ABCA6: variants seen among roughly 807,000 people sequenced by gnomAD.
ABCA6 encodes the protein ATP-binding cassette sub-family A member 6.
Under a neutral mutation model 191.2 loss-of-function variants are expected in ABCA6, and 164 were observed. The ratio of observed to expected loss-of-function variants is 0.86; its 90% CI spans 0.76 to 0.98. The LOEUF (loss-of-function observed/expected upper bound fraction) is 0.98. ABCA6 is among the 50% of genes least tolerant of loss of function. The probability of loss-of-function intolerance (pLI) is 0.00; values close to 1 mark genes in which losing one functional copy is unlikely to be tolerated. For synonymous variants in ABCA6, 636 were observed against 647.7 expected, an observed-to-expected ratio of 0.98 and a Z score of 0.27; for missense variants, 1,958 against 1,894.1, an observed-to-expected ratio of 1.03 and a Z score of -0.63.
At chr17:69,101,749 T>C (rs1176747745) in intron 21 of ABCA6, among the ~76,000 whole-genome samples, 3 of 152,172 alleles carry the variant, frequency 2.0e-5, no homozygotes, top group African/African-American at 7.2e-5. Context: ...ACTTCATGTT[T>C]AGGAAAATGT....
chr17:69,113,315 TG>T lies in ABCA6; in HGVS notation c.1947del (p.Arg650GlufsTer8). ...DEPTTGLDPF[S>X]RDQVWSLLRE... ...CTCAGGAGGCTCCACACTTGATCTC[TG>T]GAAAAGGGATCCAATCCAGTAGTTG... On this transcript the variant is annotated frameshift_variant, in exon 15 of 39. Transcript: ENST00000284425. LOFTEE classifies it high-confidence loss of function. 3 of 1,594,534 alleles carry T rather than the reference TG, an allele frequency of 1.9e-6. No homozygotes were observed. Among genetic ancestry groups the T allele is most frequent in the Non-Finnish European group, 1.7e-6 (2 of 1,175,260 alleles).
intron 11 of ABCA6, among the ~76,000 whole-genome samples, chr17:69,116,194 A>G (rs959738546): frequency 1.3e-5 from 2 of 152,104 alleles, no homozygotes; most frequent in African/African-American, 4.8e-5. Flanking sequence ...GAGGGAAGTG[A>G]TACTGGCTGT....
chr17:69,102,987 G>A lies in ABCA6; in HGVS notation c.2741-19C>T. On this transcript the variant is annotated intron_variant, in intron 20 of 38. Coordinates refer to ENST00000284425, the MANE Select transcript of ABCA6 (RefSeq NM_080284.3). ...TTTGATTCTAATATGAAGTTAATAA[G>A]AGAAGGCCATAGAAAAGTAAGAAAA... 2 of 1,436,010 alleles carry A rather than the reference G, an allele frequency of 1.4e-6. No homozygotes were observed. The highest frequency in any genetic ancestry group is 9.6e-7 in the Non-Finnish European group (1 of 1,044,860). The allele number at this position is 1,436,010 out of a possible 1,614,324, so 89.0% of individuals were successfully genotyped here. A position where few individuals can be genotyped will look rare whatever the true frequency, so the allele number is the denominator to read the frequency against.
chr17:69,102,600 A>G (rs1367876109), intron 21 of ABCA6, among the ~76,000 whole-genome samples: 1 of 152,174 alleles, frequency 6.6e-6, no homozygotes, highest in East Asian at 1.9e-4. Flanking sequence ...TATTGAGTTT[A>G]AACAGTACAA....
In ABCA6 at chr17:69,083,254, G is replaced by C; in HGVS notation, c.4433C>G (p.Ala1478Gly). 1 of 1,610,808 alleles carries C rather than the reference G, an allele frequency of 6.2e-7. No individual in the cohort carries two copies. Among genetic ancestry groups the C allele is most frequent in the Non-Finnish European group, 8.5e-7 (1 of 1,179,096 alleles). The change falls in exon 35 of 39, where the codon GCC (alanine) becomes GGC (glycine). Residue 1478 changes from alanine (A) to glycine (G), a missense_variant. Coordinates refer to ENST00000284425, the MANE Select transcript of ABCA6 (RefSeq NM_080284.3). ...LTTHNLAEAE[A>G]LCDRVAIMVS... ...CATGATGGCCACACGGTCACACAAGGCTTCCGCCTCAGCCAGGTTATGGGT... is the reference window on the plus strand; with the variant it reads ...CATGATGGCCACACGGTCACACAAGCCTTCCGCCTCAGCCAGGTTATGGGT...
chr17:69,104,828 A>G (rs2073260327), intron 20 of ABCA6: 1 of 152,108 alleles, frequency 6.6e-6, no homozygotes, highest in Non-Finnish European at 1.5e-5. Flanking sequence ...AAAAAAAAAA[A>G]AATTAGTCAG....
intron 11 of ABCA6, among the ~76,000 whole-genome samples, chr17:69,117,307 TC>T (rs2144682256): frequency 6.6e-6 from 1 of 152,142 alleles, no homozygotes; most frequent in Non-Finnish European, 1.5e-5. Flanking sequence ...TTTTTATCCC[TC>T]CTAAAAATTA....
At chr17:69,121,924 C>A (rs1223962612) in intron 10 of ABCA6, among the ~76,000 whole-genome samples, 2 of 152,080 alleles carry the variant, frequency 1.3e-5, no homozygotes, top group South Asian at 2.1e-4. Context: ...AGCGCTGTTG[C>A]CCCTCTCAGA....
rs757664428 is a variant in ABCA6, at chr17:69,102,930, G to A, written c.2779C>T (p.Gln927Ter). 3 of 1,565,086 alleles carry A rather than the reference G, an allele frequency of 1.9e-6. No homozygotes were observed. Among genetic ancestry groups the A allele is most frequent in the Non-Finnish European group, 2.6e-6 (3 of 1,144,638 alleles). ...TCATCTACTTCCAAAAGTATATTTT[G>A]ATGCTTCAGTGATTTTATAAAATCT... ...IEDFIKSLKH[Q>*]NILLEVDDFE... The change falls in exon 21 of 39, where the codon CAA becomes TAA. Residue 927 changes from glutamine (Q) to a stop codon, truncating the protein, a stop_gained. Coordinates refer to ENST00000284425, the MANE Select transcript of ABCA6 (RefSeq NM_080284.3). LOFTEE classifies it high-confidence loss of function.
intron 8 of ABCA6, 112 bp from the exon 9 acceptor site, chr17:69,125,147 T>C (rs1320265105): frequency 2.3e-6 from 1 of 434,130 alleles, no homozygotes; most frequent in African/African-American, 2.1e-5. Context: ...ACTTAGTAGT[T>C]ACTAGTCAAA....
chr17:69,084,385 T>C (rs2072720916), intron 33 of ABCA6, 30 bp from the exon 34 acceptor site: 4 of 1,614,112 alleles, frequency 2.5e-6, no homozygotes, highest in Non-Finnish European at 3.4e-6. Flanking sequence ...CCCTGTTTGC[T>C]GCCATACCAC....
chr17:69,115,427 C>G lies in ABCA6; in HGVS notation c.1555G>C (p.Gly519Arg). ...ITAILGHSGA[G>R]KSSLLNILNG... The stretch of plus-strand genomic sequence containing the variant: ...AGAATATTTAGCAGTGAAGATTTGC[C>G]AGCTCCACTGTGACCCAGGATTGCC... Residue 519 changes from glycine (G) to arginine (R), a missense_variant, in exon 12 of 39, where the codon GGC becomes CGC. Gly to Arg is a moderately radical substitution (Grantham distance 125). Coordinates refer to ENST00000284425, the MANE Select transcript of ABCA6 (RefSeq NM_080284.3). The G allele has an allele frequency of 1.9e-6, 3 of 1,611,904 alleles. No homozygotes were observed. The highest frequency in any genetic ancestry group is 2.5e-6 in the Non-Finnish European group (3 of 1,178,870).
At chr17:69,088,089 T>C in intron 28 of ABCA6, 78 bp downstream of exon 28, 1 of 1,240,642 alleles carries the variant, frequency 8.1e-7, no homozygotes, top group Non-Finnish European at 1.1e-6. Flanking sequence ...TAAATCTGTA[T>C]TAACAAGATG....
chr17:69,135,941 A>G (rs2073939102), intron 4 of ABCA6, 151 bp downstream of exon 4: 2 of 749,572 alleles, frequency 2.7e-6, no homozygotes, highest in African/African-American at 3.5e-5. Flanking sequence ...TAGTAGGAAC[A>G]TACGATTGAC....
chr17:69,087,234 C>T, intron 29 of ABCA6, 119 bp downstream of exon 29: 2 of 1,290,060 alleles, frequency 1.6e-6, no homozygotes, highest in Non-Finnish European at 2.2e-6. Flanking sequence ...GTCCTGGACG[C>T]ATAATACAGA....
intron 37 of ABCA6, 135 bp downstream of exon 37, chr17:69,080,931 C>T: frequency 1.9e-6 from 1 of 516,378 alleles, no homozygotes; most frequent in Non-Finnish European, 3.4e-6. Context: ...TCACCATTAC[C>T]TACAGTTAGA....
Position 69,107,821 on chromosome 17 carries a change from A to G in ABCA6, c.2273-9T>C. On this transcript the variant is annotated splice_polypyrimidine_tract_variant and intron_variant, in intron 17 of 38. Coordinates refer to ENST00000284425, the MANE Select transcript of ABCA6 (RefSeq NM_080284.3). Reference sequence around the variant, plus strand: ...CAGATCACTGAAAAGATCTAAGGCAAAAAAATATGAATAGATACTTTGGAA... The same window carrying G: ...CAGATCACTGAAAAGATCTAAGGCAGAAAAATATGAATAGATACTTTGGAA... 1 of 1,505,558 alleles carries G rather than the reference A, an allele frequency of 6.6e-7. No individual in the cohort carries two copies. The highest frequency in any genetic ancestry group is 9.2e-7 in the Non-Finnish European group (1 of 1,087,274). The allele number at this position is 1,505,558 out of a possible 1,614,324, so 93.3% of individuals were successfully genotyped here.
chr17:69,137,184 C>T, intron 3 of ABCA6, 112 bp downstream of exon 3: 1 of 989,568 alleles, frequency 1.0e-6, no homozygotes, highest in South Asian at 1.7e-5. Context: ...TATTTTAGTA[C>T]TTAAGTTATT....
In ABCA6 at chr17:69,114,850, T is replaced by C. The variant is rs145840477; in HGVS notation, c.1694A>G (p.Asn565Ser). Reference protein sequence around the residue: ...RKITGVCPQFNVQFDILTVKE... With the variant: ...RKITGVCPQFSVQFDILTVKE... ...CACGGTGAGTATGTCAAATTGAACA[T>C]TGAATTGAGGACAGACGCCAGTTAT... Residue 565 changes from asparagine (N) to serine (S), a missense_variant, in exon 13 of 39, where the codon AAT (asparagine) becomes AGT (serine). Physicochemically the swap from Asn to Ser is conservative, Grantham distance 46. Transcript: ENST00000284425. The C allele has an allele frequency of 4.5e-4, 728 of 1,612,778 alleles. No homozygotes were observed. The highest frequency in any genetic ancestry group is 5.4e-4 in the Non-Finnish European group (638 of 1,179,182).
Sources: allele counts gnomAD v4.1 joint callset (sites outside exome capture counted in the v4.1 genomes callset), GRCh38; gene constraint gnomAD v4.1.1; transcripts MANE v1.5; gene names NCBI Gene and HGNC (gene_info 2026-07-23, HGNC 2026-07-21).